HLCS: variants seen among roughly 807,000 people sequenced by gnomAD.
HLCS encodes holocarboxylase synthetase.
Under a neutral mutation model 75.0 loss-of-function variants are expected in HLCS, and 53 were observed. The observed-to-expected ratio is 0.71, with a 90% CI of 0.57 to 0.89. The LOEUF (loss-of-function observed/expected upper bound fraction) is 0.89, where lower values mean the gene tolerates loss of function less well. Among genes scored for constraint, HLCS ranks in the 40% least tolerant of loss-of-function variants. HLCS has a pLI of 0.00. For synonymous variants in HLCS, 431 were observed against 428.6 expected, an observed-to-expected ratio of 1.01 and a Z score of -0.07; for missense variants, 966 against 1,074.0, an observed-to-expected ratio of 0.90 and a Z score of 1.41.
intron 6 of HLCS, among the ~76,000 whole-genome samples, chr21:36,804,763 G>C (rs1291732322): frequency 6.6e-6 from 1 of 152,120 alleles, no homozygotes; most frequent in Non-Finnish European, 1.5e-5. Context: ...ATAGTAGATG[G>C]CGTTTCTAAA....
chr21:36,780,807 T>C (rs1434803308), intron 6 of HLCS, among the ~76,000 whole-genome samples: 1 of 152,116 alleles, frequency 6.6e-6, no homozygotes, highest in Non-Finnish European at 1.5e-5. Flanking sequence ...GCCTAACCAA[T>C]GGACAGTGGC....
intron 6 of HLCS, among the ~76,000 whole-genome samples, chr21:36,784,837 A>G (rs1460312604): frequency 6.6e-6 from 1 of 152,152 alleles, no homozygotes; most frequent in Non-Finnish European, 1.5e-5. Flanking sequence ...GTGTCTGAAC[A>G]GTTATTTTCC....
At position 36,777,724 on chromosome 21, in the gene HLCS, G is replaced by A. The variant is rs77305210; in HGVS notation, c.1893-10439C>T. 3.1e-3 allele frequency among the ~76,000 whole-genome samples: 474 copies of A among 152,268 alleles called. 11 individuals carry two copies. The East Asian group carries it at 0.07, about 22-fold the overall frequency. ...AAGACTCAGGGGTGCATTTCTAGCA[G>A]GAATACATGGAAGCGATATTGTGAC... On this transcript the variant is annotated intron_variant, in intron 6 of 10. Transcript: ENST00000674895.
intron 6 of HLCS, among the ~76,000 whole-genome samples, chr21:36,843,275 C>CA (rs2062677684): frequency 6.6e-6 from 1 of 151,810 alleles, no homozygotes; most frequent in Non-Finnish European, 1.5e-5. Context: ...CCTGTCTCCA[C>CA]AAAAAATAAA....
intron 6 of HLCS, among the ~76,000 whole-genome samples, chr21:36,780,186 C>G (rs1601212285): frequency 6.6e-6 from 1 of 152,162 alleles, no homozygotes; most frequent in East Asian, 1.9e-4. Flanking sequence ...TGAGGTGGAG[C>G]TGAGGCGGTG....
At chr21:36,955,527 GGATA>G (rs1350241907) in intron 2 of HLCS, among the ~76,000 whole-genome samples, 4 of 114,940 alleles carry the variant, frequency 3.5e-5, no homozygotes, top group South Asian at 5.7e-4. Flanking sequence ...TTTAGAATAA[GGATA>G]GAAAGAAAAT....
At chr21:36,916,766 C>T (rs369102516) in intron 5 of HLCS, among the ~76,000 whole-genome samples, 4 of 152,228 alleles carry the variant, frequency 2.6e-5, no homozygotes, top group African/African-American at 9.6e-5. Context: ...CCCCTCAACC[C>T]TGTAGGGTGA....
chr21:36,762,208 G>T (rs1401045567), intron 8 of HLCS, among the ~76,000 whole-genome samples: 1 of 152,202 alleles, frequency 6.6e-6, no homozygotes, highest in Non-Finnish European at 1.5e-5. Flanking sequence ...AGCCACACGT[G>T]GTGGATACCC....
At chr21:36,909,011 G>A (rs1278841577) in intron 5 of HLCS, among the ~76,000 whole-genome samples, 1 of 152,032 alleles carries the variant, frequency 6.6e-6, no homozygotes, top group Admixed American at 6.6e-5. Flanking sequence ...TGGCTAACAC[G>A]GTGAAACTCC....
intron 6 of HLCS, among the ~76,000 whole-genome samples, chr21:36,781,760 G>A (rs1184601508): frequency 1.3e-5 from 2 of 152,134 alleles, no homozygotes; most frequent in Non-Finnish European, 2.9e-5. Flanking sequence ...CAGAGGTGGA[G>A]ACAGTGGGCC....
At chr21:36,989,513 G>A (rs1462760845) in intron 1 of HLCS, among the ~76,000 whole-genome samples, 2 of 150,316 alleles carry the variant, frequency 1.3e-5, no homozygotes, top group Non-Finnish European at 1.5e-5. Flanking sequence ...ATTTTTAGCA[G>A]AGACACGGTT....
chr21:36,968,998 G>T (rs138606672), upstream of HLCS, among the ~76,000 whole-genome samples: 1 of 152,192 alleles, frequency 6.6e-6, no homozygotes, highest in African/African-American at 2.4e-5. Context: ...TTACATTTTG[G>T]GGTCAATCCT....
At chr21:36,819,968 C>T (rs956121146) in intron 6 of HLCS, among the ~76,000 whole-genome samples, 6 of 152,174 alleles carry the variant, frequency 3.9e-5, no homozygotes, top group Non-Finnish European at 8.8e-5. Flanking sequence ...AAGAGCCATC[C>T]TACCTAAGCC....
chr21:36,934,214 A>G (rs2066775180), intron 4 of HLCS, among the ~76,000 whole-genome samples: 1 of 152,040 alleles, frequency 6.6e-6, no homozygotes, highest in African/African-American at 2.4e-5. Context: ...TAAAAATAAG[A>G]CTTTTTAGTT....
At position 36,750,456 on chromosome 21, in the gene HLCS, G is replaced by C. The variant is rs1440884247; in HGVS notation, c.*3790C>G. Among the ~76,000 whole-genome samples, 1 of 152,210 alleles carries C rather than the reference G, an allele frequency of 6.6e-6. No individual in the cohort carries two copies. Among genetic ancestry groups the C allele is most frequent in the Non-Finnish European group, 1.5e-5 (1 of 68,046 alleles). On this transcript the variant is annotated 3_prime_UTR_variant, in exon 11 of 11. Transcript: ENST00000674895. Reference sequence around the variant, plus strand: ...AGGGCAGCGCGGAGGGTATCTGCAAGAGCCTGTATTTTCCGCCTCCCTTGC... The same window carrying C: ...AGGGCAGCGCGGAGGGTATCTGCAACAGCCTGTATTTTCCGCCTCCCTTGC...
intron 6 of HLCS, among the ~76,000 whole-genome samples, chr21:36,772,888 G>A (rs1468556027): frequency 6.6e-6 from 1 of 150,936 alleles, no homozygotes; most frequent in Non-Finnish European, 1.5e-5. Flanking sequence ...GGCTGAGGCA[G>A]GAAAATGGCT....
chr21:36,953,844 T>C (rs954522304), intron 2 of HLCS, among the ~76,000 whole-genome samples: 70 of 152,290 alleles, frequency 4.6e-4, no homozygotes, highest in African/African-American at 1.6e-3. Flanking sequence ...TACCACATAA[T>C]GTCTCGCCCA....
Position 36,861,804 on chromosome 21 carries a change from C to G in HLCS, c.1892+35056G>C, listed in dbSNP as rs558048944. Among the ~76,000 whole-genome samples, 6 of 152,308 alleles carry G rather than the reference C, an allele frequency of 3.9e-5. 1 individual carries two copies. The East Asian group carries it at 7.7e-4, about 20-fold the overall frequency. On this transcript the variant is annotated intron_variant, in intron 6 of 10. Coordinates refer to ENST00000674895, the MANE Select transcript of HLCS (RefSeq NM_001352514.2). The stretch of plus-strand genomic sequence containing the variant: ...ATAATTCAAATACCATAAATCCACC[C>G]TTTCAAAGTATAAGACTCAACGGTC...
chr21:36,763,684 G>T (rs536260421), intron 8 of HLCS, among the ~76,000 whole-genome samples: 48 of 152,256 alleles, frequency 3.2e-4, no homozygotes, highest in Admixed American at 9.8e-4. Context: ...CCTGACATAG[G>T]AGCTGCTGGG....
Sources: gnomAD v4.1 joint callset for allele counts (sites outside exome capture counted in the v4.1 genomes callset) on GRCh38, gnomAD v4.1.1 for gene constraint, MANE v1.5 for transcripts, NCBI Gene and HGNC (gene_info 2026-07-23, HGNC 2026-07-21) for gene names.